PRKCE: variants seen among roughly 807,000 people sequenced by gnomAD.
PRKCE encodes protein kinase C epsilon, also known as protein kinase C epsilon type.
PRKCE carries 16 observed loss-of-function variants against 85.4 expected under a neutral mutation model. The observed-to-expected ratio is 0.19, with a 90% CI of 0.13 to 0.28. The LOEUF (loss-of-function observed/expected upper bound fraction) is 0.28, where lower values mean the gene tolerates loss of function less well. Among genes scored for constraint, PRKCE ranks in the 10% least tolerant of loss-of-function variants. PRKCE has a pLI of 1.00. For missense variants in PRKCE, 573 were observed against 975.2 expected (o/e 0.59, Z 5.49); for synonymous variants, 388 against 371.5 (o/e 1.04, Z -0.51).
intron 1 of PRKCE, among the ~76,000 whole-genome samples, chr2:45,666,626 A>G (rs1675924763): frequency 6.6e-6 from 1 of 151,922 alleles, no homozygotes; most frequent in Admixed American, 6.6e-5. Flanking sequence ...TCATTCCCAG[A>G]ATTCTCCAGG....
chr2:45,707,040 C>G (rs1359259207), intron 1 of PRKCE, among the ~76,000 whole-genome samples: 1 of 152,200 alleles, frequency 6.6e-6, no homozygotes, highest in African/African-American at 2.4e-5. Context: ...AGATGGGGGT[C>G]TTGGCCAACT....
chr2:45,825,016 G>T (rs1262877555), intron 1 of PRKCE, among the ~76,000 whole-genome samples: 1 of 152,162 alleles, frequency 6.6e-6, no homozygotes, highest in African/African-American at 2.4e-5. Context: ...CGCCTGGTGG[G>T]GTACATGGAT....
At chr2:45,785,652 G>T (rs575595150) in intron 1 of PRKCE, among the ~76,000 whole-genome samples, 1 of 152,160 alleles carries the variant, frequency 6.6e-6, no homozygotes, top group Admixed American at 6.5e-5. Flanking sequence ...AACACGATCT[G>T]TTCTTCTGAC....
At chr2:46,104,747 A>G (rs1483008141) in intron 11 of PRKCE, among the ~76,000 whole-genome samples, 1 of 152,170 alleles carries the variant, frequency 6.6e-6, no homozygotes, top group Admixed American at 6.5e-5. Flanking sequence ...GTACTTCCTG[A>G]CTTCAGGGAC....
chr2:46,006,142 G>A (rs546026900), intron 8 of PRKCE, among the ~76,000 whole-genome samples: 2 of 152,340 alleles, frequency 1.3e-5, no homozygotes, highest in African/African-American at 2.4e-5. Flanking sequence ...TGTTAGCACA[G>A]ATGTCCCTCT....
chr2:45,706,197 A>G (rs1679102132), intron 1 of PRKCE, among the ~76,000 whole-genome samples: 1 of 152,178 alleles, frequency 6.6e-6, no homozygotes, highest in Non-Finnish European at 1.5e-5. Context: ...GGAATGCCAC[A>G]GGACTGGCCA....
intron 2 of PRKCE, among the ~76,000 whole-genome samples, chr2:45,954,063 C>T (rs771605621): frequency 6.6e-6 from 1 of 152,168 alleles, no homozygotes; most frequent in Non-Finnish European, 1.5e-5. Context: ...TTTCAAATGT[C>T]ATTTTCTATA....
intron 1 of PRKCE, among the ~76,000 whole-genome samples, chr2:45,698,654 C>T (rs973149093): frequency 6.6e-6 from 1 of 152,076 alleles, no homozygotes; most frequent in Non-Finnish European, 1.5e-5. Flanking sequence ...AAGTAGGAAA[C>T]AACAAGGATG....
At chr2:45,964,949 A>G (rs2104449750) in intron 2 of PRKCE, among the ~76,000 whole-genome samples, 1 of 152,336 alleles carries the variant, frequency 6.6e-6, no homozygotes, top group East Asian at 1.9e-4. Context: ...TGAACACAGC[A>G]AAGATCATTC....
At chr2:45,836,615 C>T (rs1309996910) in intron 1 of PRKCE, among the ~76,000 whole-genome samples, 3 of 152,204 alleles carry the variant, frequency 2.0e-5, no homozygotes, top group Non-Finnish European at 4.4e-5. Flanking sequence ...GCGGTGCCTC[C>T]AGGGGAGAGG....
intron 6 of PRKCE, among the ~76,000 whole-genome samples, chr2:45,986,168 T>G (rs763643298): frequency 1.3e-5 from 2 of 152,226 alleles, no homozygotes; most frequent in Non-Finnish European, 2.9e-5. Context: ...TGGTGCCAAA[T>G]GCTTTCCAAC....
At chr2:45,720,068 A>G (rs1237113116) in intron 1 of PRKCE, among the ~76,000 whole-genome samples, 1 of 152,204 alleles carries the variant, frequency 6.6e-6, no homozygotes, top group Non-Finnish European at 1.5e-5. Context: ...AAAGTCACAC[A>G]GAAACAGCAT....
chr2:45,698,487 T>G (rs931431367), intron 1 of PRKCE, among the ~76,000 whole-genome samples: 4 of 151,920 alleles, frequency 2.6e-5, no homozygotes, highest in Admixed American at 2.0e-4. Context: ...CTGCTAATGA[T>G]GTGGAGCTCC....
At chr2:46,117,806 A>C (rs1308341835) in intron 11 of PRKCE, among the ~76,000 whole-genome samples, 4 of 152,234 alleles carry the variant, frequency 2.6e-5, no homozygotes, top group African/African-American at 9.6e-5. Flanking sequence ...CATAATGTGG[A>C]GCCAGGTACA....
intron 1 of PRKCE, among the ~76,000 whole-genome samples, chr2:45,830,316 G>A (rs533832406): frequency 1.4e-5 from 2 of 144,434 alleles, no homozygotes; most frequent in African/African-American, 5.2e-5. Context: ...GAGAGAGAGA[G>A]AAATGAGAAA....
chr2:45,660,839 G>T (rs1675603112), intron 1 of PRKCE, among the ~76,000 whole-genome samples: 1 of 152,210 alleles, frequency 6.6e-6, no homozygotes, highest in South Asian at 2.1e-4. Flanking sequence ...ACCATGTGAA[G>T]TGGCCAAAAG....
At chr2:46,024,677 G>T (rs1006122891) in intron 10 of PRKCE, among the ~76,000 whole-genome samples, 4 of 152,224 alleles carry the variant, frequency 2.6e-5, no homozygotes, top group African/African-American at 9.6e-5. Context: ...AGGGTGGAAG[G>T]TCCAGTAAAG....
chr2:45,939,469 G>C (rs1699722176), intron 2 of PRKCE, among the ~76,000 whole-genome samples: 1 of 152,058 alleles, frequency 6.6e-6, no homozygotes, highest in Non-Finnish European at 1.5e-5. Context: ...CTTTGTCGAG[G>C]TTACTAAGAC....
intron 1 of PRKCE, among the ~76,000 whole-genome samples, chr2:45,670,005 A>G (rs1484806676): frequency 6.6e-6 from 1 of 152,202 alleles, no homozygotes; most frequent in East Asian, 1.9e-4. Flanking sequence ...AGTGAGACTC[A>G]GTCTCAAAAT....
Sources: gnomAD v4.1 joint callset for allele counts (sites outside exome capture counted in the v4.1 genomes callset) on GRCh38, gnomAD v4.1.1 for gene constraint, MANE v1.5 for transcripts, NCBI Gene and HGNC (gene_info 2026-07-23, HGNC 2026-07-21) for gene names.